The following RASA2 variants were observed in gnomAD, a reference collection of about 807,000 sequenced individuals.
RASA2 encodes RAS p21 protein activator 2.
RASA2 carries 155 observed loss-of-function variants against 118.2 expected under a neutral mutation model. That is an observed-to-expected ratio of 1.31 (90% CI 1.15 to 1.50). RASA2 has a LOEUF of 1.50. Among genes scored for constraint, RASA2 ranks in the 40% most tolerant of loss-of-function variants. The probability of loss-of-function intolerance (pLI) is 0.00; values close to 1 mark genes in which losing one functional copy is unlikely to be tolerated. For synonymous variants in RASA2, 353 were observed against 349.1 expected (o/e 1.01, Z -0.12); for missense variants, 1,016 against 1,009.6 (o/e 1.01, Z -0.09).
intron 14 of RASA2, among the ~76,000 whole-genome samples, chr3:141,575,001 G>A (rs779382784): frequency 5.3e-5 from 8 of 152,256 alleles, no homozygotes; most frequent in Non-Finnish European, 8.8e-5. Context: ...TGTTACTGTC[G>A]CTGCTAATAC....
At chr3:141,487,278 G>T in intron 1 of RASA2, 62 bp downstream of exon 1, 1 of 1,223,636 alleles carries the variant, frequency 8.2e-7, no homozygotes, top group East Asian at 3.5e-5. Context: ...TGAGGGGGCG[G>T]CGGGTTCGCG....
chr3:141,531,289 G>C (rs553098280), intron 4 of RASA2, among the ~76,000 whole-genome samples: 2 of 151,836 alleles, frequency 1.3e-5, no homozygotes, highest in African/African-American at 4.8e-5. Context: ...ATGTAAATTT[G>C]CTAAACAATT....
intron 19 of RASA2, among the ~76,000 whole-genome samples, chr3:141,605,611 G>A (rs536452892): frequency 6.6e-6 from 1 of 152,176 alleles, no homozygotes; most frequent in South Asian, 2.1e-4. Context: ...AAAATTCTCT[G>A]ACTATAATGC....
intron 1 of RASA2, among the ~76,000 whole-genome samples, chr3:141,495,758 A>G (rs932547933): frequency 1.3e-5 from 2 of 152,214 alleles, no homozygotes; most frequent in African/African-American, 4.8e-5. Flanking sequence ...GGCATATACA[A>G]AGATATTCAA....
chr3:141,573,747 AAATTT>A (rs1161211480), intron 13 of RASA2, among the ~76,000 whole-genome samples, 192 bp from the exon 14 acceptor site: 1 of 152,304 alleles, frequency 6.6e-6, no homozygotes, highest in African/African-American at 2.4e-5. Flanking sequence ...TAGCAAATCT[AAATTT>A]AATTTATTAA....
chr3:141,541,339 CTG>C (rs2082402604), intron 5 of RASA2, among the ~76,000 whole-genome samples: 1 of 152,142 alleles, frequency 6.6e-6, no homozygotes, highest in Admixed American at 6.6e-5. Flanking sequence ...CTGCTCCAGA[CTG>C]TAACTTATTC....
At chr3:141,496,567 C>G (rs9838419) in intron 1 of RASA2, among the ~76,000 whole-genome samples, 38,490 of 152,132 alleles carry the variant, frequency 0.25, 5,476 homozygotes, top group Non-Finnish European at 0.32. Flanking sequence ...TGAAATAATG[C>G]TTATCATCAC....
chr3:141,521,360 C>T (rs1009605285), intron 3 of RASA2, among the ~76,000 whole-genome samples: 2 of 152,124 alleles, frequency 1.3e-5, no homozygotes, highest in African/African-American at 4.8e-5. Context: ...CTTTTAATGT[C>T]AGCAACTAGA....
intron 9 of RASA2, among the ~76,000 whole-genome samples, chr3:141,566,986 A>G (rs1577748781): frequency 1.3e-5 from 2 of 152,192 alleles, no homozygotes; most frequent in African/African-American, 2.4e-5. Context: ...AAAAAACTCA[A>G]ACTGCTTAAA....
intron 4 of RASA2, among the ~76,000 whole-genome samples, chr3:141,534,577 G>T (rs2082302324): frequency 6.9e-6 from 1 of 144,214 alleles, no homozygotes; most frequent in African/African-American, 2.6e-5. Flanking sequence ...ATAAGTTATT[G>T]ATTGTTTTAT....
intron 4 of RASA2, among the ~76,000 whole-genome samples, chr3:141,534,086 A>G (rs964087339): frequency 6.6e-6 from 1 of 152,190 alleles, no homozygotes; most frequent in African/African-American, 2.4e-5. Flanking sequence ...TGTGAAGTTA[A>G]TATGGGTTGT....
chr3:141,551,631 G>A (rs1489960858), intron 5 of RASA2, among the ~76,000 whole-genome samples: 1 of 152,104 alleles, frequency 6.6e-6, no homozygotes, highest in Non-Finnish European at 1.5e-5. Context: ...GTAAGCTGGG[G>A]CAGTTGGAGG....
intron 23 of RASA2, among the ~76,000 whole-genome samples, chr3:141,610,458 ATTT>A (rs2083629932): frequency 1.8e-5 from 2 of 109,628 alleles, no homozygotes; most frequent in Non-Finnish European, 3.3e-5. Context: ...ATATATTTAT[ATTT>A]ATATATTATA....
Position 141,558,906 on chromosome 3 carries a change from C to A in RASA2, c.705C>A (p.Tyr235Ter). ...FYFEVTRSSS[Y>*]TRKSQFQVEE... ...TACAGGTAACCAGATCCAGTAGTTA[C>A]ACCAGAAAGTCCCAGTTCCAGGTAG... Residue 235 changes from tyrosine to a stop codon, truncating the protein, a stop_gained, in exon 8 of 24, where the codon TAC becomes TAA. Transcript: ENST00000286364. LOFTEE classifies it high-confidence loss of function. The A allele has an allele frequency of 1.2e-6, 2 of 1,605,588 alleles. No homozygotes were observed. The highest frequency in any genetic ancestry group is 1.7e-6 in the Non-Finnish European group (2 of 1,173,154).
intron 19 of RASA2, among the ~76,000 whole-genome samples, chr3:141,602,830 A>G (rs1335737312): frequency 1.3e-5 from 2 of 152,122 alleles, no homozygotes; most frequent in African/African-American, 4.8e-5. Context: ...CAGCAAATTG[A>G]CGTCTCCCCA....
chr3:141,612,269 T>C lies in RASA2; in HGVS notation c.2520-14T>C, dbSNP rs780021397. ...TTTCTTAAATTTTGAAAAATGACTT[T>C]TTTTCTTCTCTAGGGAAAATCCAAT... On this transcript the variant is annotated splice_polypyrimidine_tract_variant and intron_variant, in intron 23 of 23. Transcript: ENST00000286364. 2.0e-5 allele frequency: 31 copies of C among 1,573,682 alleles called. No individual in the cohort carries two copies. The highest frequency in any genetic ancestry group is 2.7e-5 in the Non-Finnish European group (31 of 1,148,836).
chr3:141,587,517 G>C (rs1224972137), intron 19 of RASA2, among the ~76,000 whole-genome samples: 8 of 152,068 alleles, frequency 5.3e-5, no homozygotes, highest in Admixed American at 5.2e-4. Flanking sequence ...TTTGAGACCA[G>C]CCTGACCAAC....
intron 1 of RASA2, among the ~76,000 whole-genome samples, chr3:141,489,378 T>A (rs1372066925): frequency 6.6e-6 from 1 of 152,060 alleles, no homozygotes; most frequent in Non-Finnish European, 1.5e-5. Context: ...AACATGTGGG[T>A]TTTGTAGGGT....
At chr3:141,506,694 C>T (rs1379420730) in intron 1 of RASA2, among the ~76,000 whole-genome samples, 1 of 149,164 alleles carries the variant, frequency 6.7e-6, no homozygotes, top group Non-Finnish European at 1.5e-5. Context: ...AGGCAGATCT[C>T]TTGAACCCAG....
Sources: allele counts gnomAD v4.1 joint callset (sites outside exome capture counted in the v4.1 genomes callset), GRCh38; gene constraint gnomAD v4.1.1; transcripts MANE v1.5; gene names NCBI Gene and HGNC (gene_info 2026-07-23, HGNC 2026-07-21).